Variants in ANKRD36 observed in about 807,000 individuals in gnomAD.
The protein encoded by ANKRD36 is ankyrin repeat domain 36.
In ANKRD36, 179 loss-of-function variants were observed where a neutral mutation model predicts 278.1. That is an observed-to-expected ratio of 0.64 (90% confidence interval 0.57 to 0.73). The LOEUF (loss-of-function observed/expected upper bound fraction) is 0.73, where lower values mean the gene tolerates loss of function less well. Ranked by LOEUF, ANKRD36 falls within the 30% of genes least tolerant of loss-of-function variation. The pLI is 0.00. For synonymous variants in ANKRD36, 320 were observed against 641.1 expected (o/e 0.50, Z 7.57); for missense variants, 1,159 against 1,956.7 (o/e 0.59, Z 7.69).
At chr2:97,206,753 C>T (rs1417085579) in intron 52 of ANKRD36, among the ~76,000 whole-genome samples, 8 of 151,386 alleles carry the variant, frequency 5.3e-5, no homozygotes, top group Non-Finnish European at 1.2e-4. Flanking sequence ...GGAAGCAATC[C>T]TAGAATTGGC....
intron 67 of ANKRD36, among the ~76,000 whole-genome samples, chr2:97,228,382 G>A (rs1438316499): frequency 1.6e-4 from 25 of 152,088 alleles, no homozygotes; most frequent in Non-Finnish European, 2.6e-4. Flanking sequence ...TATGTGTCCA[G>A]GAATTTATGC....
At position 97,194,839 on chromosome 2, in the gene ANKRD36, A is replaced by C; in HGVS notation, c.2479-6A>C. 1 of 1,593,712 alleles carries C rather than the reference A, an allele frequency of 6.3e-7. No individual in the cohort carries two copies. Among genetic ancestry groups the C allele is most frequent in the Non-Finnish European group, 8.5e-7 (1 of 1,174,666 alleles). On this transcript the variant is annotated splice_polypyrimidine_tract_variant and splice_region_variant and intron_variant, in intron 39 of 75. Transcript: ENST00000420699. ...TATTTATTATTTTGTTTCAAATTCC[A>C]CTCAGGCTACAAGTGATGAGAAGGA...
intron 22 of ANKRD36, among the ~76,000 whole-genome samples, chr2:97,174,061 G>T (rs1335823010): frequency 6.6e-6 from 1 of 150,958 alleles, no homozygotes; most frequent in Non-Finnish European, 1.5e-5. Flanking sequence ...TATGTATTAT[G>T]TCATATTGGT....
chr2:97,123,133 T>C (rs936055198), intron 4 of ANKRD36, 140 bp downstream of exon 4: 184 of 692,672 alleles, frequency 2.7e-4, no homozygotes, highest in Non-Finnish European at 3.8e-4. Flanking sequence ...ATAACACAGA[T>C]CATCACTTAG....
intron 67 of ANKRD36, among the ~76,000 whole-genome samples, chr2:97,229,928 T>C (rs985257737): frequency 6.6e-6 from 1 of 152,092 alleles, no homozygotes; most frequent in Non-Finnish European, 1.5e-5. Flanking sequence ...AAATTCTGGG[T>C]TGAAAATTCT....
intron 6 of ANKRD36, among the ~76,000 whole-genome samples, chr2:97,127,684 T>C (rs1241217126): frequency 6.6e-6 from 1 of 152,018 alleles, no homozygotes; most frequent in Non-Finnish European, 1.5e-5. Flanking sequence ...TGTAGTTTCC[T>C]TGTAGTTCGA....
chr2:97,180,164 T>C (rs1002685876), intron 24 of ANKRD36, among the ~76,000 whole-genome samples: 16 of 151,534 alleles, frequency 1.1e-4, no homozygotes, highest in Admixed American at 2.7e-4. Flanking sequence ...AGAAAAACCA[T>C]TGGAGAGAAG....
intron 75 of ANKRD36, among the ~76,000 whole-genome samples, chr2:97,250,711 GTTCT>G (rs2075869323): frequency 9.8e-6 from 1 of 102,342 alleles, no homozygotes; most frequent in African/African-American, 6.1e-5. Context: ...CATCAGTGTG[GTTCT>G]TGTCAAGTTA....
At chr2:97,115,064 T>A (rs71426855) in intron 1 of ANKRD36, among the ~76,000 whole-genome samples, 1 of 152,086 alleles carries the variant, frequency 6.6e-6, no homozygotes, top group Non-Finnish European at 1.5e-5. Flanking sequence ...GTGTAAGAAT[T>A]TATTAGGTTG....
At chr2:97,197,227 T>C (rs1301505002) in intron 42 of ANKRD36, among the ~76,000 whole-genome samples, 3 of 151,908 alleles carry the variant, frequency 2.0e-5, no homozygotes, top group African/African-American at 7.2e-5. Flanking sequence ...GTAGCAATCA[T>C]TTTGCCAAAG....
intron 6 of ANKRD36, among the ~76,000 whole-genome samples, chr2:97,138,024 A>T (rs552678721): frequency 6.6e-6 from 1 of 152,182 alleles, no homozygotes; most frequent in South Asian, 2.1e-4. Flanking sequence ...AGATGGACAG[A>T]TTGCAAACAT....
In ANKRD36 at chr2:97,143,587, A is replaced by G. The variant is rs543541345; in HGVS notation, c.901+752A>G. On this transcript the variant is annotated intron_variant, in intron 8 of 75. Transcript: ENST00000420699. ...ATGCATATATTTGCTTTGTTTTTAA[A>G]GGAACTAACTTTTGGATAAAATAGC... 2.7e-4 allele frequency among the ~76,000 whole-genome samples: 41 copies of G among 152,152 alleles called. No individual in the cohort carries two copies. In the South Asian group the frequency reaches 8.1e-3, roughly 30 times the overall value.
At chr2:97,159,138 A>G (rs1299603042) in intron 17 of ANKRD36, among the ~76,000 whole-genome samples, 1 of 152,042 alleles carries the variant, frequency 6.6e-6, no homozygotes, top group Non-Finnish European at 1.5e-5. Flanking sequence ...ATCAAATTAT[A>G]GAATTATTTT....
At chr2:97,230,300 C>T (rs1162701060) in intron 67 of ANKRD36, among the ~76,000 whole-genome samples, 1 of 152,064 alleles carries the variant, frequency 6.6e-6, no homozygotes, top group East Asian at 2.0e-4. Flanking sequence ...TTGGTCTTTT[C>T]ACTTAGTCCC....
intron 14 of ANKRD36, 130 bp downstream of exon 14, chr2:97,152,664 C>A: frequency 1.2e-6 from 1 of 815,526 alleles, no homozygotes. Context: ...TCATGTCACA[C>A]AACTTTAGAA....
intron 56 of ANKRD36, among the ~76,000 whole-genome samples, 154 bp downstream of exon 56, chr2:97,210,026 A>G (rs2063973788): frequency 6.6e-6 from 1 of 151,828 alleles, no homozygotes; most frequent in Admixed American, 6.6e-5. Flanking sequence ...TGTGGTGCTG[A>G]TGCTGCTGGC....
intron 64 of ANKRD36, among the ~76,000 whole-genome samples, chr2:97,218,721 T>C (rs998186635): frequency 2.6e-5 from 4 of 152,110 alleles, no homozygotes; most frequent in Admixed American, 1.3e-4. Flanking sequence ...TACACTTATT[T>C]CTAGGGTTAT....
chr2:97,202,080 AG>A, intron 46 of ANKRD36, 121 bp from the exon 47 acceptor site: 1 of 1,548,986 alleles, frequency 6.5e-7, no homozygotes, highest in Non-Finnish European at 8.7e-7. Context: ...ACAAAGTAGA[AG>A]CCATGAAGGC....
At position 97,158,130 on chromosome 2, in the gene ANKRD36, G is replaced by C; in HGVS notation, c.1284G>C (p.Thr428=). The C allele has an allele frequency of 1.3e-6, 2 of 1,514,220 alleles. No homozygotes were observed. Among genetic ancestry groups the C allele is most frequent in the Non-Finnish European group, 1.8e-6 (2 of 1,127,340 alleles). 93.8% of individuals were successfully genotyped at this position (1,514,220 alleles called of 1,614,324 possible). The change falls in exon 16 of 76, where the codon ACG becomes ACC. Residue 428 remains threonine, a synonymous_variant. Coordinates refer to ENST00000420699, the MANE Select transcript of ANKRD36 (RefSeq NM_001354587.1). ...ESENISEPYF[T]NRRTISQQSA... is the part of the protein sequence containing the mutation. Reference sequence around the variant, plus strand: ...AGAATATTTCAGAACCATACTTTACGAACAGAAGGACTATTTCTCAACAAT... The same window carrying C: ...AGAATATTTCAGAACCATACTTTACCAACAGAAGGACTATTTCTCAACAAT...
Sources: gnomAD v4.1 joint callset for allele counts (sites outside exome capture counted in the v4.1 genomes callset) on GRCh38, gnomAD v4.1.1 for gene constraint, MANE v1.5 for transcripts, NCBI Gene and HGNC (gene_info 2026-07-23, HGNC 2026-07-21) for gene names.